The following REL variants were observed in gnomAD, a reference collection of about 807,000 sequenced individuals.
The protein encoded by REL is REL proto-oncogene, NF-kB subunit.
In REL, 15 loss-of-function variants were observed where a neutral mutation model predicts 45.9. The observed-to-expected ratio is 0.33, with a 90% CI of 0.22 to 0.50. The LOEUF is 0.50. Among genes scored for constraint, REL ranks in the 20% least tolerant of loss-of-function variants. REL has a pLI of 0.98. For synonymous variants in REL, 239 were observed against 242.1 expected, an observed-to-expected ratio of 0.99 and a Z score of 0.12; for missense variants, 601 against 715.2, an observed-to-expected ratio of 0.84 and a Z score of 1.82.
intron 4 of REL, among the ~76,000 whole-genome samples, chr2:60,907,689 G>A (rs973824097): frequency 2.0e-5 from 3 of 151,228 alleles, no homozygotes; most frequent in African/African-American, 7.3e-5. Context: ...TGTCATATTT[G>A]TACTTTTCTT....
intron 9 of REL, 125 bp from the exon 10 acceptor site, chr2:60,921,638 T>C: frequency 1.2e-6 from 1 of 808,710 alleles, no homozygotes; most frequent in Non-Finnish European, 1.9e-6. Context: ...TTATTTGAAA[T>C]GTTACATTGG....
chr2:60,889,910 C>T (rs961896971), intron 1 of REL, among the ~76,000 whole-genome samples: 1 of 152,138 alleles, frequency 6.6e-6, no homozygotes, highest in Non-Finnish European at 1.5e-5. Context: ...AATAAACATA[C>T]TTGTGCATGT....
At chr2:60,894,314 A>C in intron 2 of REL, 83 bp from the exon 3 acceptor site, 1 of 790,588 alleles carries the variant, frequency 1.3e-6, no homozygotes, top group South Asian at 3.5e-5. Context: ...CATTATAATT[A>C]ATGTAAATTG....
intron 4 of REL, among the ~76,000 whole-genome samples, chr2:60,903,432 G>A (rs1047806553): frequency 2.0e-5 from 3 of 152,170 alleles, no homozygotes; most frequent in African/African-American, 7.2e-5. Flanking sequence ...GGAGTGCAGT[G>A]ATGTGATCAC....
At chr2:60,910,421 C>T (rs1335954697) in intron 4 of REL, among the ~76,000 whole-genome samples, 1 of 140,586 alleles carries the variant, frequency 7.1e-6, no homozygotes, top group African/African-American at 2.7e-5. Context: ...GCCAAGCTCA[C>T]ATCACTGCAC....
At chr2:60,903,658 C>T (rs1018603576) in intron 4 of REL, among the ~76,000 whole-genome samples, 2 of 151,992 alleles carry the variant, frequency 1.3e-5, no homozygotes, top group African/African-American at 2.4e-5. Context: ...CTCAGCCTCT[C>T]GAGTAGTTGG....
At chr2:60,897,198 C>T (rs1260406755) in intron 3 of REL, among the ~76,000 whole-genome samples, 2 of 152,088 alleles carry the variant, frequency 1.3e-5, no homozygotes, top group Admixed American at 1.3e-4. Flanking sequence ...ATGCAAGCCT[C>T]TTCAAACTGT....
At chr2:60,895,148 C>T (rs931583462) in intron 3 of REL, among the ~76,000 whole-genome samples, 7 of 151,726 alleles carry the variant, frequency 4.6e-5, no homozygotes, top group African/African-American at 1.5e-4. Context: ...TGTGAGACAC[C>T]GTGCCTAGCC....
chr2:60,912,751 G>T (rs1395631439), intron 4 of REL, among the ~76,000 whole-genome samples: 1 of 151,606 alleles, frequency 6.6e-6, no homozygotes, highest in Non-Finnish European at 1.5e-5. Context: ...AAATAAAAAT[G>T]TATAATTATT....
intron 4 of REL, among the ~76,000 whole-genome samples, chr2:60,913,946 G>A (rs1673888864): frequency 6.6e-6 from 1 of 152,060 alleles, no homozygotes; most frequent in Non-Finnish European, 1.5e-5. Context: ...TGTTCAATAG[G>A]ACTTTAAGTA....
chr2:60,895,418 C>T (rs1383051712), intron 3 of REL, among the ~76,000 whole-genome samples: 1 of 151,788 alleles, frequency 6.6e-6, no homozygotes, highest in Non-Finnish European at 1.5e-5. Context: ...TGGACTCAGG[C>T]AGTCTGTCCA....
At chr2:60,894,144 A>G (rs752454420) in intron 2 of REL, among the ~76,000 whole-genome samples, 1 of 152,186 alleles carries the variant, frequency 6.6e-6, no homozygotes, top group African/African-American at 2.4e-5. Context: ...TTGTTTTGAA[A>G]GGAAAATAAG....
At chr2:60,906,925 T>TTTTTTTTTTTTTTTTTTTTTC (rs1379444628) in intron 4 of REL, among the ~76,000 whole-genome samples, 1 of 144,850 alleles carries the variant, frequency 6.9e-6, no homozygotes, top group African/African-American at 2.5e-5. Context: ...TTTTTTTTTT[T>TTTTTTTTTTTTTTTTTTTTTC]TTTTCTTTTC....
chr2:60,898,207 C>T (rs1055217177), intron 3 of REL, among the ~76,000 whole-genome samples: 23 of 152,218 alleles, frequency 1.5e-4, no homozygotes, highest in African/African-American at 3.9e-4. Context: ...TATCTTTCCT[C>T]GCTTTAGCCA....
chr2:60,893,861 T>C (rs560918919), intron 2 of REL, among the ~76,000 whole-genome samples: 3 of 152,198 alleles, frequency 2.0e-5, no homozygotes, highest in East Asian at 3.8e-4. Flanking sequence ...AGCTATACTT[T>C]CTATGTGAAA....
chr2:60,916,462 A>C (rs1486219871), intron 4 of REL, among the ~76,000 whole-genome samples: 8 of 152,234 alleles, frequency 5.3e-5, no homozygotes, highest in Non-Finnish European at 7.3e-5. Context: ...TGGGGATGAA[A>C]GTAATTCTTG....
chr2:60,905,621 C>T (rs1337692547), intron 4 of REL, among the ~76,000 whole-genome samples: 2 of 152,088 alleles, frequency 1.3e-5, no homozygotes. Context: ...AGTATCTGTT[C>T]GGGTCTGCAG....
intron 4 of REL, 28 bp from the exon 5 acceptor site, chr2:60,916,849 A>G (rs181727249): frequency 1.1e-5 from 17 of 1,579,974 alleles, no homozygotes; most frequent in Non-Finnish European, 1.3e-5. Flanking sequence ...TGACTATTAC[A>G]TTTAAAAAAT....
At chr2:60,906,506 A>C (rs1673654289) in intron 4 of REL, among the ~76,000 whole-genome samples, 2 of 152,134 alleles carry the variant, frequency 1.3e-5, no homozygotes, top group Admixed American at 1.3e-4. Context: ...TCAGCTTCTC[A>C]AATATGGCCT....
Sources: gnomAD v4.1 joint callset for allele counts (sites outside exome capture counted in the v4.1 genomes callset) on GRCh38, gnomAD v4.1.1 for gene constraint, MANE v1.5 for transcripts, NCBI Gene and HGNC (gene_info 2026-07-23, HGNC 2026-07-21) for gene names.